The following SCARA3 variants were observed in gnomAD, a reference collection of about 807,000 sequenced individuals.
The protein encoded by SCARA3 is cellular stress response gene protein.
Under a neutral mutation model 47.0 loss-of-function variants are expected in SCARA3, and 39 were observed. The ratio of observed to expected loss-of-function variants is 0.83; its 90% CI spans 0.64 to 1.08. The LOEUF (loss-of-function observed/expected upper bound fraction) is 1.08, where lower values mean the gene tolerates loss of function less well. SCARA3 is among the 50% of genes least tolerant of loss of function. The pLI is 0.00. For missense variants in SCARA3, 724 were observed against 792.3 expected, an observed-to-expected ratio of 0.91 and a Z score of 1.04; for synonymous variants, 356 against 334.1, an observed-to-expected ratio of 1.07 and a Z score of -0.71.
At chr8:27,704,841 G>A in the SCARA3 span, among the ~76,000 whole-genome samples, 2 of 152,128 alleles carry the variant, frequency 1.3e-5, no homozygotes, top group Non-Finnish European at 2.9e-5. Flanking sequence ...AGTGTTCTAC[G>A]TGTCCTCTCT....
intron 1 of SCARA3, among the ~76,000 whole-genome samples, chr8:27,639,589 AG>A (rs1801339434): frequency 6.6e-6 from 1 of 152,164 alleles, no homozygotes. Context: ...TGCTCCATAA[AG>A]GACACGCGGT....
Position 27,672,726 on chromosome 8 carries a change from G to A in SCARA3, c.*1375G>A, listed in dbSNP as rs553846323. On this transcript the variant is annotated 3_prime_UTR_variant, in exon 6 of 6. Coordinates refer to ENST00000301904, the MANE Select transcript of SCARA3 (RefSeq NM_016240.3). ...AGGGGCGCTGGGAAATCACCCCACA[G>A]GGTGGAGGTCTCCTGTTGGCTACAC... 39 of 985,632 alleles carry A rather than the reference G, an allele frequency of 4.0e-5. No individual in the cohort carries two copies. The African/African-American group carries it at 6.3e-4, about 16-fold the overall frequency. The allele number at this position is 985,632 out of a possible 1,614,324, so 61.1% of individuals were successfully genotyped here.
At chr8:27,704,238 G>A in the SCARA3 span, among the ~76,000 whole-genome samples, 23 of 152,190 alleles carry the variant, frequency 1.5e-4, no homozygotes, top group African/African-American at 5.5e-4. Context: ...TTGAGCCCAG[G>A]AGTTTGAGAC....
At chr8:27,703,844 CTTTTTTTTTTTTT>C in the SCARA3 span, 9 of 54,552 alleles carry the variant, frequency 1.6e-4, no homozygotes, top group Admixed American at 1.1e-3. Flanking sequence ...GTGCTTTCTA[CTTTTTTTTTTTTT>C]TTTTTTTTTT....
chr8:27,667,052 C>G (rs1802031910), intron 5 of SCARA3, among the ~76,000 whole-genome samples: 1 of 152,226 alleles, frequency 6.6e-6, no homozygotes, highest in Non-Finnish European at 1.5e-5. Context: ...AGTGCCTTCC[C>G]TCAGCTCAGA....
At chr8:27,663,649 G>A (rs1801958475) in intron 5 of SCARA3, among the ~76,000 whole-genome samples, 1 of 152,196 alleles carries the variant, frequency 6.6e-6, no homozygotes, top group Non-Finnish European at 1.5e-5. Flanking sequence ...GTCAAAAGCT[G>A]TTTCCCAAAA....
the SCARA3 span, among the ~76,000 whole-genome samples, chr8:27,718,049 G>T: frequency 1.3e-4 from 20 of 152,184 alleles, no homozygotes; most frequent in Non-Finnish European, 2.5e-4. Context: ...GTCCGCACAC[G>T]CATGGCCTTA....
At chr8:27,707,292 C>T in the SCARA3 span, among the ~76,000 whole-genome samples, 1 of 152,150 alleles carries the variant, frequency 6.6e-6, no homozygotes, top group Non-Finnish European at 1.5e-5. Flanking sequence ...ATGGCAAAGT[C>T]TCTTCCCTGT....
rs1802143580 is a variant in SCARA3 at position 27,671,160 on chromosome 8, G to C, written c.1630G>C (p.Gly544Arg). Residue 544 changes from glycine to arginine, a missense_variant, in exon 6 of 6, where the codon GGG (glycine) becomes CGG (arginine). Coordinates refer to ENST00000301904, the MANE Select transcript of SCARA3 (RefSeq NM_016240.3). ...RGQPGPKGDI[G>R]PPGPEGPPGS... ...ACAGCCAGGCCCAAAAGGGGACATA[G>C]GGCCCCCAGGGCCAGAAGGGCCCCC... 1 of 1,532,084 alleles carries C rather than the reference G, an allele frequency of 6.5e-7. No individual in the cohort carries two copies. The highest frequency in any genetic ancestry group is 1.2e-5 in the South Asian group (1 of 81,382). 94.9% of individuals were successfully genotyped at this position (1,532,084 alleles called of 1,614,324 possible).
At chr8:27,730,052 G>T in the SCARA3 span, among the ~76,000 whole-genome samples, 1 of 152,108 alleles carries the variant, frequency 6.6e-6, no homozygotes, top group African/African-American at 2.4e-5. Flanking sequence ...GGAGGTGCCT[G>T]GGGCCAGTCC....
the SCARA3 span, among the ~76,000 whole-genome samples, chr8:27,693,262 C>T: frequency 6.6e-6 from 1 of 152,152 alleles, no homozygotes; most frequent in Non-Finnish European, 1.5e-5. Flanking sequence ...TGTCTTAAGT[C>T]CTCCTAAAAT....
At chr8:27,679,310 CA>C (rs1459535909), downstream of SCARA3, among the ~76,000 whole-genome samples, 1 of 152,020 alleles carries the variant, frequency 6.6e-6, no homozygotes, top group Admixed American at 6.5e-5. Context: ...TTCTCTAAAA[CA>C]TGTTTTGTTA....
chr8:27,675,977 G>A (rs1160193667), downstream of SCARA3, among the ~76,000 whole-genome samples: 1 of 152,104 alleles, frequency 6.6e-6, no homozygotes, highest in Admixed American at 6.5e-5. Flanking sequence ...GAGAGCCACA[G>A]GTGTAGGAGA....
At chr8:27,728,540 C>G in the SCARA3 span, among the ~76,000 whole-genome samples, 81 of 152,216 alleles carry the variant, frequency 5.3e-4, no homozygotes, top group African/African-American at 1.8e-3. Context: ...CCTTCTCCAG[C>G]CTCCACTCCC....
At chr8:27,712,805 T>C in the SCARA3 span, among the ~76,000 whole-genome samples, 2 of 152,144 alleles carry the variant, frequency 1.3e-5, no homozygotes, top group Non-Finnish European at 2.9e-5. Flanking sequence ...CCAAGGAGTA[T>C]GATTGTTGGG....
At chr8:27,682,906 T>A in the SCARA3 span, among the ~76,000 whole-genome samples, 1 of 152,026 alleles carries the variant, frequency 6.6e-6, no homozygotes, top group Non-Finnish European at 1.5e-5. Flanking sequence ...TCTCAAATAG[T>A]CTAGCCATTC....
At chr8:27,635,621 AT>A (rs10591337) in intron 1 of SCARA3, among the ~76,000 whole-genome samples, 16,232 of 147,434 alleles carry the variant, frequency 0.11, 1,398 homozygotes, top group East Asian at 0.36. Context: ...CCATGCATGG[AT>A]TTTTTTTTTT....
At chr8:27,651,777 A>T in intron 3 of SCARA3, 150 bp downstream of exon 3, 1 of 1,125,276 alleles carries the variant, frequency 8.9e-7, no homozygotes. Flanking sequence ...TCTATGCCTA[A>T]TGCAAACTGC....
intron 1 of SCARA3, among the ~76,000 whole-genome samples, chr8:27,646,671 T>G (rs1198770781): frequency 6.6e-6 from 1 of 152,146 alleles, no homozygotes; most frequent in Non-Finnish European, 1.5e-5. Context: ...TGGTTCTGAC[T>G]GGGGTCTCTG....
Sources: gnomAD v4.1 joint callset for allele counts (sites outside exome capture counted in the v4.1 genomes callset) on GRCh38, gnomAD v4.1.1 for gene constraint, MANE v1.5 for transcripts, NCBI Gene and HGNC (gene_info 2026-07-23, HGNC 2026-07-21) for gene names.